The following TBC1D9B variants were observed in gnomAD, a reference collection of about 807,000 sequenced individuals.
TBC1D9B encodes the protein TBC1 domain family member 9B.
A neutral mutation model predicts 121.1 loss-of-function variants in TBC1D9B; 87 were observed. The ratio of observed to expected loss-of-function variants is 0.72; its 90% CI spans 0.60 to 0.86. The LOEUF is 0.86. TBC1D9B is among the 40% of genes least tolerant of loss of function. TBC1D9B has a pLI of 0.00. For synonymous variants in TBC1D9B, 668 were observed against 670.1 expected (o/e 1.00, Z 0.05); for missense variants, 1,540 against 1,628.6 (o/e 0.95, Z 0.94).
At chr5:179,871,387 C>G (rs1760194230) in intron 15 of TBC1D9B, 75 bp downstream of exon 15, 2 of 1,440,296 alleles carry the variant, frequency 1.4e-6, no homozygotes, top group Non-Finnish European at 1.9e-6. Context: ...TAAGAGGATA[C>G]TCTTAGATCC....
intron 8 of TBC1D9B, 24 bp from the exon 9 acceptor site, chr5:179,879,221 G>A (rs1325286912): frequency 3.8e-6 from 6 of 1,591,048 alleles, no homozygotes; most frequent in Non-Finnish European, 4.3e-6. Flanking sequence ...GCATCAGGGA[G>A]CCTGGGGGCC....
rs1761182072 is a variant in TBC1D9B at position 179,902,153 on chromosome 5, G to A, written c.229+2549C>T. Among the ~76,000 whole-genome samples, 1 of 152,254 alleles carries A rather than the reference G, an allele frequency of 6.6e-6. No homozygotes were observed. The highest frequency in any genetic ancestry group is 1.5e-5 in the Non-Finnish European group (1 of 68,046). On this transcript the variant is annotated intron_variant, in intron 2 of 20. Coordinates refer to ENST00000355235, the MANE Select transcript of TBC1D9B (RefSeq NM_015043.4). The surrounding 1 kb of genome is among the most constrained non-coding windows in gnomAD (Gnocchi z 4.9). ...CTCATGGGCTTCCACGTAAAAGCGT[G>A]TGCAGACACGTCATGTCCAGAGGAG...
rs756982846 is a variant in TBC1D9B at position 179,893,478 on chromosome 5, A to C, written c.578-11T>G. On this transcript the variant is annotated splice_polypyrimidine_tract_variant and intron_variant, in intron 4 of 20. Coordinates refer to ENST00000355235, the MANE Select transcript of TBC1D9B (RefSeq NM_015043.4). ...GCACCACGAGGCTCACTGTGCCCAC[A>C]GAGATAGACACACCGCAAGTTAGGG... 1 of 1,582,642 alleles carries C rather than the reference A, an allele frequency of 6.3e-7. No homozygotes were observed. The highest frequency in any genetic ancestry group is 8.6e-7 in the Non-Finnish European group (1 of 1,160,870).
intron 10 of TBC1D9B, among the ~76,000 whole-genome samples, chr5:179,876,899 C>T (rs1760373269): frequency 1.3e-5 from 2 of 151,536 alleles, no homozygotes; most frequent in African/African-American, 2.4e-5. Context: ...AGTGAGACCC[C>T]ATCTCTATAA....
intron 7 of TBC1D9B, among the ~76,000 whole-genome samples, chr5:179,880,881 C>A (rs1278255636): frequency 6.6e-6 from 1 of 152,190 alleles, no homozygotes; most frequent in Non-Finnish European, 1.5e-5. Context: ...ACGGCCCCAG[C>A]GCAGACTGAC....
In TBC1D9B at chr5:179,890,717, G is replaced by T. The variant is rs559772392; in HGVS notation, c.1044+662C>A. Among the ~76,000 whole-genome samples, 3 of 152,300 alleles carry T rather than the reference G, an allele frequency of 2.0e-5. No individual in the cohort carries two copies. Among genetic ancestry groups the T allele is most frequent in the South Asian group, 4.1e-4 (2 of 4,828 alleles). On this transcript the variant is annotated intron_variant, in intron 6 of 20. Transcript: ENST00000355235. The surrounding 1 kb of genome is among the most constrained non-coding windows in gnomAD (Gnocchi z 5.0). ...GGCCACAAGGAAAAGGAGGCCTTGG[G>T]ACCTGTCCTGACTCAGTCTCATGCC...
At chr5:179,898,329 A>G (rs2113646129) in intron 3 of TBC1D9B, among the ~76,000 whole-genome samples, 1 of 151,586 alleles carries the variant, frequency 6.6e-6, no homozygotes, top group South Asian at 2.1e-4. Flanking sequence ...TTTTTTTTGT[A>G]TTTTTAGTAG....
chr5:179,867,138 G>T, intron 18 of TBC1D9B: 1 of 305,006 alleles, frequency 3.3e-6, no homozygotes, highest in Non-Finnish European at 6.2e-6. Context: ...TCTTTCACAC[G>T]CTCCAATGAC....
intron 2 of TBC1D9B, 34 bp from the exon 3 acceptor site, chr5:179,899,341 A>T: frequency 6.3e-7 from 1 of 1,585,354 alleles, no homozygotes; most frequent in Non-Finnish European, 8.7e-7. Flanking sequence ...AAGAAAAATC[A>T]TGAATTCCCC....
chr5:179,888,839 G>A, intron 6 of TBC1D9B, among the ~76,000 whole-genome samples: 1 of 152,188 alleles, frequency 6.6e-6, no homozygotes, highest in South Asian at 2.1e-4. Flanking sequence ...TGAGTGCTGG[G>A]AAGAGGGAAG....
At position 179,869,805 on chromosome 5, in the gene TBC1D9B, T is replaced by G. The variant is rs564012229; in HGVS notation, c.2755A>C (p.Lys919Gln). 1 of 1,575,330 alleles carries G rather than the reference T, an allele frequency of 6.3e-7. No homozygotes were observed. Among genetic ancestry groups the G allele is most frequent in the South Asian group, 1.2e-5 (1 of 85,568 alleles). Residue 919 changes from lysine (K) to glutamine (Q), a missense_variant, in exon 17 of 21, where the codon AAG becomes CAG. Lys to Gln is a moderately conservative substitution (Grantham distance 53). Coordinates refer to ENST00000355235, the MANE Select transcript of TBC1D9B (RefSeq NM_015043.4). ...SGMYHGDLTE[K>Q]LKVLYKLHLP... Reference sequence around the variant, plus strand: ...TGTAGCTTGTAGAGCACCTTGAGCTTCTCTGTCAGGTCCCCGTGGTACATC... The same window carrying G: ...TGTAGCTTGTAGAGCACCTTGAGCTGCTCTGTCAGGTCCCCGTGGTACATC...
rs1760038916 is a variant in TBC1D9B, at chr5:179,867,219, C to A, written c.2863+559G>T. On this transcript the variant is annotated intron_variant, in intron 18 of 20. Coordinates refer to ENST00000355235, the MANE Select transcript of TBC1D9B (RefSeq NM_015043.4). ...TAACATGTGGCTGTGGAGGCCTTGC[C>A]CTGGGCCTGCTTGGCGCCTAGTGTG... is the stretch of plus-strand genomic sequence containing the variant. 5.7e-6 allele frequency: 3 copies of A among 521,950 alleles called. No homozygotes were observed. In the Admixed American group the frequency reaches 9.5e-5, roughly 16 times the overall value. The allele number at this position is 521,950 out of a possible 1,614,324, so 32.3% of individuals were successfully genotyped here.
At chr5:179,879,589 C>T (rs751038568) in intron 8 of TBC1D9B, 39 bp downstream of exon 8, 2 of 1,613,152 alleles carry the variant, frequency 1.2e-6, no homozygotes, top group African/African-American at 1.3e-5. Flanking sequence ...GAGGGCTCCG[C>T]TCTTGACGGA....
intron 10 of TBC1D9B, among the ~76,000 whole-genome samples, chr5:179,877,680 A>AAG (rs1561638161): frequency 7.2e-6 from 1 of 139,852 alleles, no homozygotes; most frequent in African/African-American, 3.3e-5. Flanking sequence ...AAAAAAAAAA[A>AAG]AAAGAAAAGA....
At chr5:179,900,228 A>G (rs995473426) in intron 2 of TBC1D9B, among the ~76,000 whole-genome samples, 1 of 152,184 alleles carries the variant, frequency 6.6e-6, no homozygotes, top group Admixed American at 6.5e-5. Context: ...ACAAAAACGT[A>G]GAGAAGGCAG....
In TBC1D9B at chr5:179,885,446, G is replaced by A. The variant is rs1201438712; in HGVS notation, c.1254+2657C>T. On this transcript the variant is annotated intron_variant, in intron 7 of 20. Transcript: ENST00000355235. This position sits in a 1 kb window ranked among gnomAD's most constrained non-coding sequence, Gnocchi z 4.5. The stretch of plus-strand genomic sequence containing the variant: ...CTCTACTAAAAATACAAAATAAGCC[G>A]GGCGTGGTGGTGGACGCCTGTAATC... 5.9e-5 allele frequency among the ~76,000 whole-genome samples: 9 copies of A among 151,984 alleles called. No homozygotes were observed. Among genetic ancestry groups the A allele is most frequent in the East Asian group, 1.9e-4 (1 of 5,154 alleles).
rs1292976305 is a variant in TBC1D9B at position 179,874,956 on chromosome 5, AT to A, written c.2131del (p.Met711TrpfsTer14). Reference protein sequence around the residue: ...QVALAVLDANMEQLLGCSDEG... With the variant: ...QVALAVLDANXEQLLGCSDEG... ...GTCGCTGCAGCCCAGCAGCTGCTCC[AT>A]GTTGGCGTCCAGGACGGCCAGGGCC... On this transcript the variant is annotated frameshift_variant, in exon 12 of 21. Coordinates refer to ENST00000355235, the MANE Select transcript of TBC1D9B (RefSeq NM_015043.4). LOFTEE classifies it high-confidence loss of function. This position sits in a 1 kb window ranked among gnomAD's most constrained non-coding sequence, Gnocchi z 4.3. 6 of 1,613,732 alleles carry A rather than the reference AT, an allele frequency of 3.7e-6. No individual in the cohort carries two copies. The highest frequency in any genetic ancestry group is 5.1e-6 in the Non-Finnish European group (6 of 1,180,020).
intron 3 of TBC1D9B, 87 bp downstream of exon 3, chr5:179,899,102 C>G (rs1309840739): frequency 8.8e-7 from 1 of 1,137,330 alleles, no homozygotes; most frequent in Admixed American, 2.0e-5. Flanking sequence ...GGGACGCACC[C>G]TACATCGTGA....
chr5:179,904,484 C>G lies in TBC1D9B; in HGVS notation c.229+218G>C, dbSNP rs1177231174. Among the ~76,000 whole-genome samples the G allele has an allele frequency of 6.6e-6, 1 of 152,162 alleles. No homozygotes were observed. Among genetic ancestry groups the G allele is most frequent in the Non-Finnish European group, 1.5e-5 (1 of 68,024 alleles). ...TCGTGATCAGCCCGCCTCGGCCTCC[C>G]AAAGTGCTGGGATTACAGACGTGAG... On this transcript the variant is annotated intron_variant, in intron 2 of 20. Coordinates refer to ENST00000355235, the MANE Select transcript of TBC1D9B (RefSeq NM_015043.4). The surrounding 1 kb of genome is among the most constrained non-coding windows in gnomAD (Gnocchi z 4.2).
Sources: allele counts gnomAD v4.1 joint callset (sites outside exome capture counted in the v4.1 genomes callset), GRCh38; gene constraint gnomAD v4.1.1; non-coding constraint Gnocchi (gnomAD v3.1); transcripts MANE v1.5; gene names NCBI Gene and HGNC (gene_info 2026-07-23, HGNC 2026-07-21).